The following RCBTB2 variants were observed in gnomAD, a reference collection of about 807,000 sequenced individuals.
The protein encoded by RCBTB2 is RCC1 and BTB domain-containing protein 2.
RCBTB2 carries 55 observed loss-of-function variants against 65.4 expected under a neutral mutation model. That is an observed-to-expected ratio of 0.84 (90% CI 0.68 to 1.05). RCBTB2 has a LOEUF of 1.05. Ranked by LOEUF, RCBTB2 falls within the 50% of genes least tolerant of loss-of-function variation. The pLI, the probability that RCBTB2 is intolerant of heterozygous loss-of-function variation, is 0.00. For synonymous variants in RCBTB2, 220 were observed against 255.2 expected (o/e 0.86, Z 1.31); for missense variants, 599 against 680.1 (o/e 0.88, Z 1.33).
chr13:48,507,721 G>T (rs1950575375), intron 10 of RCBTB2, among the ~76,000 whole-genome samples: 2 of 152,200 alleles, frequency 1.3e-5, no homozygotes, highest in Admixed American at 1.3e-4. Flanking sequence ...TTTTGTAAGA[G>T]CCCAAGTATT....
At chr13:48,517,069 AAC>A (rs1951131507) in intron 4 of RCBTB2, among the ~76,000 whole-genome samples, 1 of 152,166 alleles carries the variant, frequency 6.6e-6, no homozygotes, top group Non-Finnish European at 1.5e-5. Context: ...TACAGATCTG[AAC>A]ACCTACTTGT....
At chr13:48,512,505 G>C (rs6561454) in intron 7 of RCBTB2, among the ~76,000 whole-genome samples, 1 of 152,132 alleles carries the variant, frequency 6.6e-6, no homozygotes, top group Non-Finnish European at 1.5e-5. Context: ...CAGCAACAGA[G>C]AAGGAACAAT....
At position 48,532,177 on chromosome 13, in the gene RCBTB2, G is replaced by A. The variant is rs1415482337; in HGVS notation, c.-219+851C>T. ...AAAGCAAAAAGTTCATTCTAAATTAGCCTTCCAACTCAGTTCTTTCTCCGC... is the reference window on the plus strand; with the variant it reads ...AAAGCAAAAAGTTCATTCTAAATTAACCTTCCAACTCAGTTCTTTCTCCGC... On this transcript the variant is annotated intron_variant, in intron 1 of 14. Coordinates refer to ENST00000344532, the MANE Select transcript of RCBTB2 (RefSeq NM_001268.4). 6 of 152,212 alleles carry A rather than the reference G, an allele frequency of 3.9e-5. No individual in the cohort carries two copies. In the East Asian group the frequency reaches 1.2e-3, roughly 29 times the overall value. The allele number at this position is 152,212 out of a possible 1,614,324, so 9.4% of individuals were successfully genotyped here.
In RCBTB2 at chr13:48,515,607, T is replaced by TA; in HGVS notation, c.176dup (p.Leu59PhefsTer7). 6.2e-7 allele frequency: 1 copy of TA among 1,611,014 alleles called. No individual in the cohort carries two copies. Among genetic ancestry groups the TA allele is most frequent in the Non-Finnish European group, 8.5e-7 (1 of 1,179,140 alleles). ...TTACCTCATCATTTACTGTAGTGTA[T>TA]AAAACTTCATTGCCAGCACTGCCAA... On this transcript the variant is annotated frameshift_variant, in exon 5 of 15. Coordinates refer to ENST00000344532, the MANE Select transcript of RCBTB2 (RefSeq NM_001268.4). LOFTEE classifies it high-confidence loss of function.
intron 4 of RCBTB2, among the ~76,000 whole-genome samples, chr13:48,518,198 A>G (rs1369399724): frequency 3.3e-5 from 5 of 152,134 alleles, no homozygotes; most frequent in Admixed American, 3.3e-4. Context: ...AGCAGCACAA[A>G]GAAACTAACA....
chr13:48,527,368 T>TAA, intron 1 of RCBTB2, among the ~76,000 whole-genome samples: 1 of 129,168 alleles, frequency 7.7e-6, no homozygotes, highest in Non-Finnish European at 1.6e-5. Flanking sequence ...TATTTATATA[T>TAA]GATATATATA....
At chr13:48,509,118 C>A (rs926560391) in intron 10 of RCBTB2, among the ~76,000 whole-genome samples, 13 of 152,050 alleles carry the variant, frequency 8.5e-5, no homozygotes, top group Non-Finnish European at 1.9e-4. Context: ...ATCACTTGAG[C>A]CCAGGAGCTA....
In RCBTB2 at chr13:48,499,689, G is replaced by C. The variant is rs1225339591; in HGVS notation, c.1316C>G (p.Pro439Arg). ...DIVEMSEFSY[P>R]VYRAFLEYLY... Reference sequence around the variant, plus strand: ...GTATTCCAGGAAGGCCCGGTAAACAGGATATGAAAATTCACTCATTTCTAC... The same window carrying C: ...GTATTCCAGGAAGGCCCGGTAAACACGATATGAAAATTCACTCATTTCTAC... Residue 439 changes from proline (P) to arginine (R), a missense_variant, in exon 13 of 15, where the codon CCT becomes CGT. Transcript: ENST00000344532. The C allele has an allele frequency of 6.2e-7, 1 of 1,613,990 alleles. No homozygotes were observed. Among genetic ancestry groups the C allele is most frequent in the African/African-American group, 1.3e-5 (1 of 74,894 alleles).
Position 48,515,335 on chromosome 13 carries a change from G to C in RCBTB2, c.219C>G (p.Asn73Lys). 4 of 1,613,770 alleles carry C rather than the reference G, an allele frequency of 2.5e-6. No individual in the cohort carries two copies. The highest frequency in any genetic ancestry group is 3.4e-6 in the Non-Finnish European group (4 of 1,179,898). The change falls in exon 6 of 15, where the codon AAC becomes AAG. Residue 73 changes from asparagine to lysine, a missense_variant. Asn to Lys is a moderately conservative substitution (Grantham distance 94). Coordinates refer to ENST00000344532, the MANE Select transcript of RCBTB2 (RefSeq NM_001268.4). ...VNDEIFVLGT[N>K]CCGCLGLGDV... Reference sequence around the variant, plus strand: ...CACCTAACCCCAAACAGCCACAGCAGTTTGTGCCAAGCACAAAAATCTATG... The same window carrying C: ...CACCTAACCCCAAACAGCCACAGCACTTTGTGCCAAGCACAAAAATCTATG...
chr13:48,530,160 C>G (rs1317729245), intron 1 of RCBTB2, among the ~76,000 whole-genome samples: 1 of 152,096 alleles, frequency 6.6e-6, no homozygotes, highest in Admixed American at 6.6e-5. Context: ...TTGGTCTCCC[C>G]CAAAGCGCTG....
rs181812651 is a variant in RCBTB2 at position 48,507,823 on chromosome 13, C to T, written c.926+2806G>A. On this transcript the variant is annotated intron_variant, in intron 10 of 14. Coordinates refer to ENST00000344532, the MANE Select transcript of RCBTB2 (RefSeq NM_001268.4). ...TAGTTTAAAATATGCCGTTAGGGAACGTTAAGAACAAAGATACAAATGTTG... is the reference window on the plus strand; with the variant it reads ...TAGTTTAAAATATGCCGTTAGGGAATGTTAAGAACAAAGATACAAATGTTG... 7.9e-5 allele frequency among the ~76,000 whole-genome samples: 12 copies of T among 152,278 alleles called. No homozygotes were observed. In the East Asian group the frequency reaches 1.5e-3, roughly 20 times the overall value.
intron 10 of RCBTB2, among the ~76,000 whole-genome samples, chr13:48,503,604 C>A (rs936540704): frequency 6.6e-6 from 1 of 151,970 alleles, no homozygotes; most frequent in Non-Finnish European, 1.5e-5. Flanking sequence ...TGCAGTGGCA[C>A]AATCTTGGAT....
At chr13:48,503,532 A>G (rs17071843) in intron 10 of RCBTB2, among the ~76,000 whole-genome samples, 4,787 of 148,752 alleles carry the variant, frequency 0.032, 266 homozygotes, top group African/African-American at 0.11. Flanking sequence ...TGAGGAGGTA[A>G]TTCTCAGAAC....
At chr13:48,524,099 G>T (rs1951571817) in intron 2 of RCBTB2, among the ~76,000 whole-genome samples, 1 of 151,748 alleles carries the variant, frequency 6.6e-6, no homozygotes, top group South Asian at 2.1e-4. Flanking sequence ...TTAGCATTGT[G>T]GGAGATGGTT....
In RCBTB2 at chr13:48,504,419, A is replaced by C. The variant is rs9332038; in HGVS notation, c.927-1505T>G. The C allele has an allele frequency of 9.0e-3, 6,208 of 689,862 alleles. 355 individuals carry two copies. In the African/African-American group the frequency reaches 0.11, roughly 13 times the overall value. 42.7% of individuals were successfully genotyped at this position (689,862 alleles called of 1,614,324 possible). On this transcript the variant is annotated intron_variant, in intron 10 of 14. Transcript: ENST00000344532. Reference sequence around the variant, plus strand: ...TTTCAACAAACAGGCTTTCTCATTGACCTTCAATGACTTCATACATGGTTG... The same window carrying C: ...TTTCAACAAACAGGCTTTCTCATTGCCCTTCAATGACTTCATACATGGTTG...
At position 48,499,660 on chromosome 13, in the gene RCBTB2, A is replaced by G. The variant is rs150054311; in HGVS notation, c.1345T>C (p.Tyr449His). The G allele has an allele frequency of 1.2e-4, 201 of 1,614,102 alleles. No homozygotes were observed. Among genetic ancestry groups the G allele is most frequent in the Non-Finnish European group, 1.7e-4 (195 of 1,180,048 alleles). ...GGAGAAAGGCTGATGCTGTCTGTGT[A>G]TAGGTATTCCAGGAAGGCCCGGTAA... ...PVYRAFLEYLYTDSISLSPEE... is the reference protein window; with the variant it reads ...PVYRAFLEYLHTDSISLSPEE... The change falls in exon 13 of 15, where the codon TAC becomes CAC. Residue 449 changes from tyrosine (Y) to histidine (H), a missense_variant. Transcript: ENST00000344532.
chr13:48,523,142 CAA>C (rs1951517626), intron 2 of RCBTB2, among the ~76,000 whole-genome samples: 1 of 152,190 alleles, frequency 6.6e-6, no homozygotes, highest in Admixed American at 6.5e-5. Context: ...ATCTGATTGA[CAA>C]TATGGAAAGA....
rs1949629675 is a variant in RCBTB2, at chr13:48,489,991, C to T, written c.*120G>A. ...CCACTCACCACCATCCTTCTTCTGA[C>T]AGTTACAAGTACTCAGCCAAACATA... On this transcript the variant is annotated 3_prime_UTR_variant, in exon 15 of 15. Coordinates refer to ENST00000344532, the MANE Select transcript of RCBTB2 (RefSeq NM_001268.4). 1 of 1,075,292 alleles carries T rather than the reference C, an allele frequency of 9.3e-7. No homozygotes were observed. The highest frequency in any genetic ancestry group is 2.3e-4 in the Middle Eastern group (1 of 4,284). 66.6% of individuals were successfully genotyped at this position (1,075,292 alleles called of 1,614,324 possible).
chr13:48,501,958 G>GA lies in RCBTB2; in HGVS notation c.1118-91dup, dbSNP rs1412714884. On this transcript the variant is annotated intron_variant, in intron 11 of 14. Coordinates refer to ENST00000344532, the MANE Select transcript of RCBTB2 (RefSeq NM_001268.4). ...ATGGCACTACTCTACTGGTACTCAT[G>GA]AAAGTACCAATTCCTCAAAATAACT... The GA allele has an allele frequency of 2.8e-6, 3 of 1,085,286 alleles. No homozygotes were observed. In the African/African-American group the frequency reaches 4.8e-5, roughly 17 times the overall value. The allele number at this position is 1,085,286 out of a possible 1,614,324, so 67.2% of individuals were successfully genotyped here.
Sources: allele counts gnomAD v4.1 joint callset (sites outside exome capture counted in the v4.1 genomes callset), GRCh38; gene constraint gnomAD v4.1.1; transcripts MANE v1.5; gene names NCBI Gene and HGNC (gene_info 2026-07-23, HGNC 2026-07-21).